The following CASZ1 variants were observed in gnomAD, a reference collection of about 807,000 sequenced individuals.
CASZ1 encodes castor zinc finger 1, also known as zinc finger protein castor homolog 1.
In CASZ1, 28 loss-of-function variants were observed where a neutral mutation model predicts 135.2. The observed-to-expected ratio is 0.21, with a 90% CI of 0.15 to 0.28. CASZ1 has a LOEUF of 0.28. Among genes scored for constraint, CASZ1 ranks in the 10% least tolerant of loss-of-function variants. CASZ1 has a pLI of 1.00. For synonymous variants in CASZ1, 1,068 were observed against 1,073.4 expected, an observed-to-expected ratio of 0.99 and a Z score of 0.10; for missense variants, 2,161 against 2,453.3, an observed-to-expected ratio of 0.88 and a Z score of 2.52.
At chr1:10,765,584 G>A (rs1640460238) in intron 1 of CASZ1, among the ~76,000 whole-genome samples, 1 of 152,126 alleles carries the variant, frequency 6.6e-6, no homozygotes, top group Non-Finnish European at 1.5e-5. Flanking sequence ...AAACAAGGGC[G>A]GCCAACATGC....
At chr1:10,651,830 A>G (rs531336179) in intron 11 of CASZ1, 2 of 152,350 alleles carry the variant, frequency 1.3e-5, no homozygotes, top group Admixed American at 6.5e-5. Flanking sequence ...CATTTTATTA[A>G]AAAATAAAAC....
At chr1:10,793,320 C>G (rs1280621307) in intron 1 of CASZ1, among the ~76,000 whole-genome samples, 2 of 152,126 alleles carry the variant, frequency 1.3e-5, no homozygotes, top group African/African-American at 2.4e-5. Context: ...TCGCTTTCTT[C>G]TAGCCATAAT....
At chr1:10,692,692 C>A (rs1388185188) in intron 4 of CASZ1, among the ~76,000 whole-genome samples, 1 of 152,214 alleles carries the variant, frequency 6.6e-6, no homozygotes, top group African/African-American at 2.4e-5. Flanking sequence ...CCCTTCTTCA[C>A]CGGCCACCGT....
rs1028098693 is a variant in CASZ1 at position 10,757,281 on chromosome 1, G to A, written c.-77+3420C>T. ...AGCCACAAATCCGCGGGCACAGAAT[G>A]CTTGAGTCATCCTGGGGCCCTCTCT... On this transcript the variant is annotated intron_variant, in intron 2 of 20. Transcript: ENST00000377022. This position sits in a 1 kb window ranked among gnomAD's most constrained non-coding sequence, Gnocchi z 4.6. 1.3e-5 allele frequency among the ~76,000 whole-genome samples: 2 copies of A among 152,214 alleles called. No homozygotes were observed. Among genetic ancestry groups the A allele is most frequent in the African/African-American group, 4.8e-5 (2 of 41,442 alleles).
At chr1:10,782,851 A>G (rs1318942174) in intron 1 of CASZ1, among the ~76,000 whole-genome samples, 1 of 152,218 alleles carries the variant, frequency 6.6e-6, no homozygotes, top group African/African-American at 2.4e-5. Context: ...AACAGAAATC[A>G]TAATTCTTTG....
Position 10,701,484 on chromosome 1 carries a change from C to T in CASZ1, c.-24+4008G>A, listed in dbSNP as rs113981481. Among the ~76,000 whole-genome samples, 10,579 of 152,222 alleles carry T rather than the reference C, an allele frequency of 0.069. 512 individuals are homozygous for T. Among genetic ancestry groups the T allele is most frequent in the Non-Finnish European group, 0.11 (7,330 of 67,976 alleles). On this transcript the variant is annotated intron_variant, in intron 3 of 20. Coordinates refer to ENST00000377022, the MANE Select transcript of CASZ1 (RefSeq NM_001079843.3). The surrounding 1 kb of genome is among the most constrained non-coding windows in gnomAD (Gnocchi z 6.3). ...GAGGATGGGAAGGACTTAGGTCCAG[C>T]CCCCTCTCGCCAAAGCTCGCCCTTC...
intron 5 of CASZ1, among the ~76,000 whole-genome samples, chr1:10,664,735 T>C (rs1643170116): frequency 6.6e-6 from 1 of 152,030 alleles, no homozygotes; most frequent in Non-Finnish European, 1.5e-5. Flanking sequence ...CTCACAGGTG[T>C]GTGTAAAGAG....
chr1:10,744,386 T>C (rs113395634), intron 2 of CASZ1, among the ~76,000 whole-genome samples: 2,233 of 135,974 alleles, frequency 0.016, 68 homozygotes, highest in African/African-American at 0.063. Flanking sequence ...CGAGCAGGCA[T>C]GTCCTGGGCA....
At chr1:10,742,857 C>T (rs371620894) in intron 2 of CASZ1, among the ~76,000 whole-genome samples, 315 of 152,136 alleles carry the variant, frequency 2.1e-3, no homozygotes, top group African/African-American at 7.0e-3. Flanking sequence ...TGGTGGCACA[C>T]GCCTGTAATC....
intron 1 of CASZ1, among the ~76,000 whole-genome samples, chr1:10,781,500 G>A (rs1264560079): frequency 1.3e-5 from 2 of 152,210 alleles, no homozygotes; most frequent in African/African-American, 4.8e-5. Context: ...CAACAGCTCA[G>A]CCCTGGGCAT....
chr1:10,662,062 A>AAC lies in CASZ1; in HGVS notation c.506-1528_506-1527dup, dbSNP rs142574459. 4.4e-3 allele frequency among the ~76,000 whole-genome samples: 667 copies of AAC among 150,884 alleles called. 7 individuals are homozygous for AAC. The highest frequency in any genetic ancestry group is 0.026 in the East Asian group (133 of 5,096). On this transcript the variant is annotated intron_variant, in intron 5 of 20. Coordinates refer to ENST00000377022, the MANE Select transcript of CASZ1 (RefSeq NM_001079843.3). ...CACCCACATTCTCACAATCACCTAT[A>AAC]ACACACACGCATTCTCACACACACC...
At chr1:10,640,217 C>T in intron 20 of CASZ1, 158 bp from the exon 21 acceptor site, 1 of 1,042,358 alleles carries the variant, frequency 9.6e-7, no homozygotes, top group Non-Finnish European at 1.4e-6. Context: ...TCCTGCCCCG[C>T]CCCCTCCCTA....
At chr1:10,674,983 C>T (rs979052745) in intron 4 of CASZ1, among the ~76,000 whole-genome samples, 7 of 152,086 alleles carry the variant, frequency 4.6e-5, no homozygotes, top group South Asian at 4.1e-4. Flanking sequence ...GCAAGGGGAG[C>T]GCCCACCCCT....
Position 10,638,833 on chromosome 1 carries a change from C to A in CASZ1, c.*109G>T. 1.1e-6 allele frequency: 1 copy of A among 952,314 alleles called. No individual in the cohort carries two copies. Among genetic ancestry groups the A allele is most frequent in the Non-Finnish European group, 1.2e-6 (1 of 800,288 alleles). The allele number at this position is 952,314 out of a possible 1,614,324, so 59.0% of individuals were successfully genotyped here. A position where few individuals can be genotyped will look rare whatever the true frequency, so the allele number is the denominator to read the frequency against. On this transcript the variant is annotated 3_prime_UTR_variant, in exon 21 of 21. Coordinates refer to ENST00000377022, the MANE Select transcript of CASZ1 (RefSeq NM_001079843.3). This position sits in a 1 kb window ranked among gnomAD's most constrained non-coding sequence, Gnocchi z 5.9. ...TCTGTCCTGAGACGGACTCGGGGTC[C>A]GGAAGCACCGGCGGGGCGCGGGGCT...
At chr1:10,695,589 C>A (rs1232705320) in intron 3 of CASZ1, among the ~76,000 whole-genome samples, 1 of 118,022 alleles carries the variant, frequency 8.5e-6, no homozygotes, top group African/African-American at 2.9e-5. Context: ...CACCCCCCCC[C>A]CCCCCGCCCC....
chr1:10,679,600 C>T lies in CASZ1; in HGVS notation c.17-14029G>A, dbSNP rs1638346975. 6.6e-6 allele frequency among the ~76,000 whole-genome samples: 1 copy of T among 152,212 alleles called. No individual in the cohort carries two copies. ...TCCCAGCCTGCAACAGCTGCACCTC[C>T]ACCCCCAGCCTGGGTCGAGTGGGTG... is the stretch of plus-strand genomic sequence containing the variant. On this transcript the variant is annotated intron_variant, in intron 4 of 20. Transcript: ENST00000377022. This position sits in a 1 kb window ranked among gnomAD's most constrained non-coding sequence, Gnocchi z 4.7.
At chr1:10,640,296 T>C (rs541692723) in intron 20 of CASZ1, among the ~76,000 whole-genome samples, 9 of 152,110 alleles carry the variant, frequency 5.9e-5, no homozygotes, top group Non-Finnish European at 1.2e-4. Context: ...CACAGGCCTC[T>C]CCCCCGGGGG....
In CASZ1 at chr1:10,697,670, C is replaced by T. The variant is rs1638965479; in HGVS notation, c.-23-3758G>A. Among the ~76,000 whole-genome samples, 1 of 152,138 alleles carries T rather than the reference C, an allele frequency of 6.6e-6. No homozygotes were observed. The highest frequency in any genetic ancestry group is 2.1e-4 in the South Asian group (1 of 4,828). ...GCCTTCTCACTCACCAGCCTGTTTA[C>T]ACACCAGGTATCTCATGCTTTATCT... On this transcript the variant is annotated intron_variant, in intron 3 of 20. Transcript: ENST00000377022. This position sits in a 1 kb window ranked among gnomAD's most constrained non-coding sequence, Gnocchi z 4.7.
At position 10,777,571 on chromosome 1, in the gene CASZ1, A is replaced by G. The variant is rs1261680366; in HGVS notation, c.-233-16714T>C. On this transcript the variant is annotated intron_variant, in intron 1 of 20. Coordinates refer to ENST00000377022, the MANE Select transcript of CASZ1 (RefSeq NM_001079843.3). This position sits in a 1 kb window ranked among gnomAD's most constrained non-coding sequence, Gnocchi z 4.4. ...GTTAATTTTACTCTGCCCGGCTACT[A>G]CAACGAGGGGGAAAGAAGCGACACA... Among the ~76,000 whole-genome samples the G allele has an allele frequency of 6.6e-6, 1 of 152,160 alleles. No homozygotes were observed. Among genetic ancestry groups the G allele is most frequent in the Non-Finnish European group, 1.5e-5 (1 of 68,022 alleles).
Sources: gnomAD v4.1 joint callset for allele counts (sites outside exome capture counted in the v4.1 genomes callset) on GRCh38, gnomAD v4.1.1 for gene constraint, Gnocchi (gnomAD v3.1) non-coding constraint, MANE v1.5 for transcripts, NCBI Gene and HGNC (gene_info 2026-07-23, HGNC 2026-07-21) for gene names.